The following GNG12 variants were observed in gnomAD, a reference collection of about 807,000 sequenced individuals.
GNG12 encodes the protein guanine nucleotide-binding protein G(I)/G(S)/G(O) subunit gamma-12.
For missense variants in GNG12, 69 were observed against 83.8 expected (o/e 0.82, Z 0.69); for synonymous variants, 28 against 29.7 (o/e 0.94, Z 0.19).
intron 1 of GNG12, among the ~76,000 whole-genome samples, chr1:67,793,367 G>A (rs186313659): frequency 1.3e-5 from 2 of 152,278 alleles, no homozygotes; most frequent in Admixed American, 1.3e-4. Context: ...AAGTCTTGGT[G>A]AACTTTGATT....
intron 2 of GNG12, among the ~76,000 whole-genome samples, chr1:67,742,621 C>T (rs1482321205): frequency 6.6e-6 from 1 of 152,020 alleles, no homozygotes; most frequent in Non-Finnish European, 1.5e-5. Flanking sequence ...TGGCAAAAAA[C>T]AGTGTGTATA....
rs1333591120 is a variant in GNG12, at chr1:67,833,464, C to A, written c.-197G>T. 6.1e-6 allele frequency: 6 copies of A among 985,594 alleles called. No individual in the cohort carries two copies. The highest frequency in any genetic ancestry group is 7.2e-6 in the Non-Finnish European group (6 of 830,434). 61.1% of individuals were successfully genotyped at this position (985,594 alleles called of 1,614,324 possible). A position where few individuals can be genotyped will look rare whatever the true frequency, so the allele number is the denominator to read the frequency against. ...GCTCCTCCGGGCGCCGGCTCCGCCT[C>A]GCTGGGGTGGGCGGGGCGGCGGCGG... On this transcript the variant is annotated 5_prime_UTR_variant, in exon 1 of 4. Coordinates refer to ENST00000370982, the MANE Select transcript of GNG12 (RefSeq NM_018841.6).
intron 2 of GNG12, among the ~76,000 whole-genome samples, chr1:67,768,117 A>G (rs1380630830): frequency 6.6e-6 from 1 of 152,246 alleles, no homozygotes; most frequent in Non-Finnish European, 1.5e-5. Context: ...GTGCTGGGAA[A>G]ATAACAGCCA....
intron 1 of GNG12, among the ~76,000 whole-genome samples, chr1:67,797,824 G>A (rs1053387729): frequency 3.9e-5 from 6 of 152,090 alleles, no homozygotes. Flanking sequence ...CATCCCCTCG[G>A]AGCCAAGATC....
intron 1 of GNG12, among the ~76,000 whole-genome samples, chr1:67,827,471 G>A (rs1270260234): frequency 6.6e-6 from 1 of 151,796 alleles, no homozygotes; most frequent in Non-Finnish European, 1.5e-5. Flanking sequence ...TGTTGCCCAG[G>A]CTTGAGTACA....
chr1:67,727,993 C>A (rs535873496), intron 2 of GNG12, among the ~76,000 whole-genome samples: 1 of 152,128 alleles, frequency 6.6e-6, no homozygotes, highest in African/African-American at 2.4e-5. Context: ...TCTAATAATT[C>A]CCTGGACCTT....
intron 1 of GNG12, among the ~76,000 whole-genome samples, chr1:67,813,780 T>A (rs1646939027): frequency 1.3e-5 from 2 of 152,176 alleles, no homozygotes; most frequent in African/African-American, 4.8e-5. Context: ...AACTTTTGCA[T>A]CTTTTCCTCC....
chr1:67,758,585 A>G (rs1305200847), intron 2 of GNG12, among the ~76,000 whole-genome samples: 1 of 152,226 alleles, frequency 6.6e-6, no homozygotes, highest in East Asian at 1.9e-4. Flanking sequence ...ATAGTACAGC[A>G]GAGAGGGCTG....
intron 2 of GNG12, among the ~76,000 whole-genome samples, chr1:67,720,542 A>C (rs530199347): frequency 6.6e-6 from 1 of 152,218 alleles, no homozygotes; most frequent in Non-Finnish European, 1.5e-5. Flanking sequence ...TGAATGGATA[A>C]ATTCAGCAAT....
intron 2 of GNG12, among the ~76,000 whole-genome samples, chr1:67,763,637 A>G (rs1247385472): frequency 1.3e-5 from 2 of 151,568 alleles, no homozygotes; most frequent in African/African-American, 4.9e-5. Context: ...GGCTCAAACA[A>G]CCCTCCTGCC....
rs114131447 is a variant in GNG12, at chr1:67,732,725, A to C, written c.-26-25013T>G. 7.4e-3 allele frequency among the ~76,000 whole-genome samples: 1,128 copies of C among 152,318 alleles called. 11 individuals are homozygous for C. Among genetic ancestry groups the C allele is most frequent in the African/African-American group, 0.026 (1,064 of 41,572 alleles). ...AGGAAACTGAGGCAAAAGGAGATTTAATGACTTGCCCAAGGTCCCCCAGGA... is the reference window on the plus strand; with the variant it reads ...AGGAAACTGAGGCAAAAGGAGATTTCATGACTTGCCCAAGGTCCCCCAGGA... On this transcript the variant is annotated intron_variant, in intron 2 of 3. Transcript: ENST00000370982.
At chr1:67,797,735 T>A (rs966172103) in intron 1 of GNG12, among the ~76,000 whole-genome samples, 1 of 151,982 alleles carries the variant, frequency 6.6e-6, no homozygotes, top group Non-Finnish European at 1.5e-5. Context: ...ATGGAAAAAA[T>A]AACCATCAGT....
chr1:67,751,184 GACACACACACAC>G (rs3835466), intron 2 of GNG12, among the ~76,000 whole-genome samples: 2 of 140,690 alleles, frequency 1.4e-5, no homozygotes, highest in African/African-American at 2.5e-5. Flanking sequence ...TACACATACA[GACACACACACAC>G]ACACACACAC....
At position 67,809,069 on chromosome 1, in the gene GNG12, T is replaced by G. The variant is rs547711648; in HGVS notation, c.-77+24275A>C. Among the ~76,000 whole-genome samples the G allele has an allele frequency of 3.2e-4, 49 of 152,286 alleles. 1 individual carries two copies. The South Asian group carries it at 6.0e-3, about 19-fold the overall frequency. Reference sequence around the variant, plus strand: ...AGCTAGAGAAATTAAGGCAGTGTGGTATTAGTAAAGAAACAGACTAACAGG... The same window carrying G: ...AGCTAGAGAAATTAAGGCAGTGTGGGATTAGTAAAGAAACAGACTAACAGG... On this transcript the variant is annotated intron_variant, in intron 1 of 3. Transcript: ENST00000370982.
intron 1 of GNG12, among the ~76,000 whole-genome samples, chr1:67,797,389 C>T (rs2100791555): frequency 6.6e-6 from 1 of 152,238 alleles, no homozygotes; most frequent in East Asian, 1.9e-4. Flanking sequence ...AAATACTCTC[C>T]CAAAATGCTT....
At chr1:67,752,752 T>C (rs144155030) in intron 2 of GNG12, among the ~76,000 whole-genome samples, 11 of 152,356 alleles carry the variant, frequency 7.2e-5, no homozygotes, top group African/African-American at 2.6e-4. Context: ...TTGACTAAGG[T>C]ATCATTACTT....
At chr1:67,758,012 C>T (rs573017862) in intron 2 of GNG12, among the ~76,000 whole-genome samples, 2 of 152,178 alleles carry the variant, frequency 1.3e-5, no homozygotes, top group Non-Finnish European at 2.9e-5. Context: ...ACTCTTGTCG[C>T]CCAGTCTGCA....
intron 1 of GNG12, among the ~76,000 whole-genome samples, chr1:67,830,161 A>G (rs936570381): frequency 2.0e-5 from 3 of 152,078 alleles, no homozygotes; most frequent in African/African-American, 4.8e-5. Flanking sequence ...ATGCGCCATC[A>G]CGCCTGGTTT....
intron 2 of GNG12, among the ~76,000 whole-genome samples, chr1:67,742,783 A>T (rs1308301638): frequency 6.6e-6 from 1 of 152,160 alleles, no homozygotes; most frequent in African/African-American, 2.4e-5. Flanking sequence ...ACATATAATG[A>T]TTTCTGGTGG....
Sources: allele counts gnomAD v4.1 joint callset (sites outside exome capture counted in the v4.1 genomes callset), GRCh38; gene constraint gnomAD v4.1.1; transcripts MANE v1.5; gene names NCBI Gene and HGNC (gene_info 2026-07-23, HGNC 2026-07-21).